Variants in TRAIP observed in about 807,000 individuals in gnomAD.
TRAIP encodes the protein TRAF interacting protein, also known as E3 ubiquitin-protein ligase TRAIP.
TRAIP carries 37 observed loss-of-function variants against 65.0 expected under a neutral mutation model. That is an observed-to-expected ratio of 0.57 (90% confidence interval 0.44 to 0.75). The LOEUF is 0.75. Ranked by LOEUF, TRAIP falls within the 30% of genes least tolerant of loss-of-function variation. The probability of loss-of-function intolerance (pLI) is 0.00; values close to 1 mark genes in which losing one functional copy is unlikely to be tolerated. For synonymous variants in TRAIP, 187 were observed against 219.1 expected (o/e 0.85, Z 1.29); for missense variants, 481 against 579.4 (o/e 0.83, Z 1.74).
rs1351733157 is a variant in TRAIP at position 49,829,223 on chromosome 3, A to G, written c.1290T>C (p.Thr430=). Residue 430 remains threonine (T), a splice_region_variant and synonymous_variant, in exon 15 of 15, where the codon ACT becomes ACC. Transcript: ENST00000331456. Reference sequence around the variant, plus strand: ...GCAATGGGCGGATCATGACTGTGTCAGTCTGGAGGAGCTGTCAAGGAAGAG... The same window carrying G: ...GCAATGGGCGGATCATGACTGTGTCGGTCTGGAGGAGCTGTCAAGGAAGAG... ...LGGRTKFIQP[T]DTVMIRPLPV... The G allele has an allele frequency of 2.5e-6, 4 of 1,614,098 alleles. No homozygotes were observed. The African/African-American group carries it at 4.0e-5, about 16-fold the overall frequency.
intron 1 of TRAIP, among the ~76,000 whole-genome samples, chr3:49,852,034 A>T (rs2081936343): frequency 6.6e-6 from 1 of 151,964 alleles, no homozygotes; most frequent in African/African-American, 2.4e-5. Flanking sequence ...TACACAAGAA[A>T]AAAAAGCACT....
At chr3:49,831,856 C>T (rs1353627671) in intron 11 of TRAIP, 60 bp downstream of exon 11, 13 of 1,456,914 alleles carry the variant, frequency 8.9e-6, no homozygotes, top group Non-Finnish European at 1.2e-5. Context: ...ACAGGGCCTG[C>T]AGAGCTGTCT....
intron 1 of TRAIP, among the ~76,000 whole-genome samples, chr3:49,855,493 G>C (rs1271463318): frequency 6.6e-6 from 1 of 152,160 alleles, no homozygotes; most frequent in African/African-American, 2.4e-5. Context: ...TAAAAGGATA[G>C]AAGAAAATAG....
At chr3:49,829,981 G>T in intron 12 of TRAIP, 39 bp downstream of exon 12, 25 of 1,613,024 alleles carry the variant, frequency 1.5e-5, no homozygotes, top group Non-Finnish European at 2.0e-5. Flanking sequence ...GTCCAGTCCT[G>T]CCAAAGGTTA....
intron 14 of TRAIP, 53 bp from the exon 15 acceptor site, chr3:49,829,278 A>C: frequency 6.2e-7 from 1 of 1,614,008 alleles, no homozygotes; most frequent in South Asian, 1.1e-5. Flanking sequence ...ATGCAGGGCG[A>C]GAAAGGACTG....
At chr3:49,855,302 G>C (rs1338181110) in intron 1 of TRAIP, among the ~76,000 whole-genome samples, 1 of 151,966 alleles carries the variant, frequency 6.6e-6, no homozygotes, top group African/African-American at 2.4e-5. Flanking sequence ...ACAAAAATTA[G>C]CTGGGCGTGG....
At chr3:49,833,564 C>A (rs1366574460) in intron 10 of TRAIP, among the ~76,000 whole-genome samples, 1 of 151,800 alleles carries the variant, frequency 6.6e-6, no homozygotes, top group Non-Finnish European at 1.5e-5. Context: ...ACTGCAAGCT[C>A]CGCCTTCCGG....
rs765147691 is a variant in TRAIP, at chr3:49,839,841, G to A, written c.815C>T (p.Thr272Met). The A allele has an allele frequency of 6.2e-6, 10 of 1,614,234 alleles. No homozygotes were observed. The highest frequency in any genetic ancestry group is 3.3e-5 in the Admixed American group (2 of 60,036). ...KEIMSLKKKLTMLQETLNLPP... is the reference protein window; with the variant it reads ...KEIMSLKKKLMMLQETLNLPP... Reference sequence around the variant, plus strand: ...CAGGTTCAAGGTTTCCTGCAGCATCGTTAGCTTCTTTTTCAGGCTCTTGGG... The same window carrying A: ...CAGGTTCAAGGTTTCCTGCAGCATCATTAGCTTCTTTTTCAGGCTCTTGGG... Residue 272 changes from threonine (T) to methionine (M), a missense_variant, in exon 10 of 15, where the codon ACG becomes ATG. Coordinates refer to ENST00000331456, the MANE Select transcript of TRAIP (RefSeq NM_005879.3).
intron 11 of TRAIP, among the ~76,000 whole-genome samples, chr3:49,831,530 C>A (rs2081732773): frequency 6.6e-6 from 1 of 152,258 alleles, no homozygotes; most frequent in African/African-American, 2.4e-5. Flanking sequence ...ATGATCCTCC[C>A]TCAGGCATGA....
At chr3:49,849,461 T>A (rs954659618) in intron 1 of TRAIP, among the ~76,000 whole-genome samples, 10 of 151,850 alleles carry the variant, frequency 6.6e-5, no homozygotes, top group African/African-American at 2.2e-4. Flanking sequence ...CCATCTCTAC[T>A]AAAAATACAA....
intron 1 of TRAIP, among the ~76,000 whole-genome samples, chr3:49,853,443 A>T (rs1575401469): frequency 6.6e-6 from 1 of 152,184 alleles, no homozygotes; most frequent in Non-Finnish European, 1.5e-5. Flanking sequence ...TGTCTCTAAA[A>T]ACAATAATAA....
intron 4 of TRAIP, among the ~76,000 whole-genome samples, chr3:49,844,204 C>A (rs1559449802): frequency 6.6e-6 from 1 of 152,102 alleles, no homozygotes; most frequent in Non-Finnish European, 1.5e-5. Flanking sequence ...CCAGTTAGTT[C>A]ATCAACCCAG....
rs2081719962 is a variant in TRAIP at position 49,830,147 on chromosome 3, T to C, written c.1038-79A>G. On this transcript the variant is annotated intron_variant, in intron 11 of 14. Transcript: ENST00000331456. Reference sequence around the variant, plus strand: ...TGAACCAGGCTCAGCACACGCCCCTTGGGGAGTTACCATGTGGCACTGCTG... The same window carrying C: ...TGAACCAGGCTCAGCACACGCCCCTCGGGGAGTTACCATGTGGCACTGCTG... 7 of 1,499,198 alleles carry C rather than the reference T, an allele frequency of 4.7e-6. No homozygotes were observed. The South Asian group carries it at 8.0e-5, about 17-fold the overall frequency. The allele number at this position is 1,499,198 out of a possible 1,614,324, so 92.9% of individuals were successfully genotyped here.
chr3:49,852,653 G>A (rs1176873232), intron 1 of TRAIP, among the ~76,000 whole-genome samples: 1 of 151,712 alleles, frequency 6.6e-6, no homozygotes. Context: ...TACTCGGGAG[G>A]CTGAGGCAGG....
At chr3:49,830,625 G>C (rs1045542974) in intron 11 of TRAIP, among the ~76,000 whole-genome samples, 3 of 152,156 alleles carry the variant, frequency 2.0e-5, no homozygotes, top group Non-Finnish European at 4.4e-5. Flanking sequence ...GCAGAATAGC[G>C]CATGGCCCCA....
intron 3 of TRAIP, among the ~76,000 whole-genome samples, chr3:49,844,915 T>C (rs943723611): frequency 6.6e-6 from 1 of 152,350 alleles, no homozygotes; most frequent in East Asian, 1.9e-4. Flanking sequence ...CTTGGCCTCA[T>C]CGCTCTATGT....
intron 7 of TRAIP, 27 bp from the exon 8 acceptor site, chr3:49,841,099 C>A (rs1194357022): frequency 1.2e-6 from 2 of 1,602,568 alleles, no homozygotes; most frequent in Admixed American, 1.7e-5. Context: ...GAAAGAGATG[C>A]CAGAAAAGAA....
chr3:49,841,023 C>T lies in TRAIP; in HGVS notation c.667G>A (p.Asp223Asn). The part of the protein sequence containing the change: ...EARKASGEVA[D>N]KLRKDLFSSR... ...GAAAACAAATCCTTCCTCAGCTTGT[C>T]AGCCACCTCCCCTGAGGCCTTCCGT... is the stretch of plus-strand genomic sequence containing the variant. Residue 223 changes from aspartate (D) to asparagine (N), a missense_variant, in exon 8 of 15, where the codon GAC (aspartate) becomes AAC (asparagine). Transcript: ENST00000331456. The T allele has an allele frequency of 2.5e-6, 4 of 1,614,200 alleles. No individual in the cohort carries two copies. The highest frequency in any genetic ancestry group is 3.4e-6 in the Non-Finnish European group (4 of 1,180,038).
Position 49,832,055 on chromosome 3 carries a change from C to T in TRAIP, c.898G>A (p.Glu300Lys), listed in dbSNP as rs143310707. The change falls in exon 11 of 15, where the codon GAG (glutamate) becomes AAG (lysine). Residue 300 changes from glutamate to lysine, a missense_variant. Coordinates refer to ENST00000331456, the MANE Select transcript of TRAIP (RefSeq NM_005879.3). The stretch of plus-strand genomic sequence containing the variant: ...GGCCGGCGGAGCTTCAGATTCACCT[C>T]CACAGGGGCTGGGCTGAAGGCAGAG... ...RLVLESPAPV[E>K]VNLKLRRPSF... The T allele has an allele frequency of 7.2e-5, 115 of 1,594,808 alleles. No homozygotes were observed. Among genetic ancestry groups the T allele is most frequent in the South Asian group, 3.7e-4 (33 of 88,368 alleles).
Sources: allele counts gnomAD v4.1 joint callset (sites outside exome capture counted in the v4.1 genomes callset), GRCh38; gene constraint gnomAD v4.1.1; transcripts MANE v1.5; gene names NCBI Gene and HGNC (gene_info 2026-07-23, HGNC 2026-07-21).